Variants in CSMD1 observed in about 807,000 individuals in gnomAD.
The protein encoded by CSMD1 is CUB and Sushi multiple domains 1.
In CSMD1, 213 loss-of-function variants were observed where a neutral mutation model predicts 417.5. That is an observed-to-expected ratio of 0.51 (90% CI 0.46 to 0.57). The LOEUF (loss-of-function observed/expected upper bound fraction) is 0.57, where lower values mean the gene tolerates loss of function less well. Among genes scored for constraint, CSMD1 ranks in the 20% least tolerant of loss-of-function variants. The pLI, the probability that CSMD1 is intolerant of heterozygous loss-of-function variation, is 0.00. For missense variants in CSMD1, 6,923 were observed against 4,529.7 expected (o/e 1.53, Z -15.17); for synonymous variants, 2,862 against 1,736.8 (o/e 1.65, Z -16.11).
chr8:4,702,687 C>T (rs1288289019), intron 1 of CSMD1, among the ~76,000 whole-genome samples: 3 of 152,048 alleles, frequency 2.0e-5, no homozygotes, highest in Non-Finnish European at 4.4e-5. Context: ...CTAATACAAC[C>T]GTATTTCTAT....
At chr8:3,805,449 G>A (rs1292992096) in intron 5 of CSMD1, among the ~76,000 whole-genome samples, 1 of 152,132 alleles carries the variant, frequency 6.6e-6, no homozygotes, top group African/African-American at 2.4e-5. Flanking sequence ...GAGCAGAAAT[G>A]ATCTACTCCC....
intron 4 of CSMD1, among the ~76,000 whole-genome samples, chr8:4,018,801 G>C (rs767394023): frequency 3.3e-5 from 5 of 152,164 alleles, no homozygotes; most frequent in African/African-American, 9.7e-5. Context: ...GTCAAATTCT[G>C]CCTTCCCCAC....
At chr8:4,365,011 A>C (rs1801983854) in intron 3 of CSMD1, among the ~76,000 whole-genome samples, 1 of 152,208 alleles carries the variant, frequency 6.6e-6, no homozygotes, top group Admixed American at 6.5e-5. Flanking sequence ...AATGGAACTC[A>C]GATGATATTT....
intron 3 of CSMD1, among the ~76,000 whole-genome samples, chr8:4,304,462 A>G (rs1414192202): frequency 1.3e-5 from 2 of 152,174 alleles, no homozygotes; most frequent in Non-Finnish European, 2.9e-5. Flanking sequence ...GCTGGAAGTC[A>G]CCCAGATAGT....
At chr8:3,904,504 T>G (rs116002939) in intron 5 of CSMD1, among the ~76,000 whole-genome samples, 4,045 of 152,312 alleles carry the variant, frequency 0.027, 94 homozygotes, top group African/African-American at 0.061. Flanking sequence ...CGGCTTGGTA[T>G]TCCACATTTC....
rs556217297 is a variant in CSMD1 at position 4,068,119 on chromosome 8, G to T, written c.416-36020C>A. 2.6e-5 allele frequency among the ~76,000 whole-genome samples: 4 copies of T among 152,206 alleles called. No individual in the cohort carries two copies. The East Asian group carries it at 7.7e-4, about 29-fold the overall frequency. ...GAAAAAAAGGGACACAACAGTGAGTGTCTTCTTGCAGAGCCACACAGAAGG... is the reference window on the plus strand; with the variant it reads ...GAAAAAAAGGGACACAACAGTGAGTTTCTTCTTGCAGAGCCACACAGAAGG... On this transcript the variant is annotated intron_variant, in intron 3 of 69. Coordinates refer to ENST00000635120, the MANE Select transcript of CSMD1 (RefSeq NM_033225.6).
chr8:3,957,323 T>C (rs887444007), intron 5 of CSMD1, among the ~76,000 whole-genome samples: 3 of 152,188 alleles, frequency 2.0e-5, no homozygotes, highest in Non-Finnish European at 4.4e-5. Flanking sequence ...GTTTCTTTCA[T>C]TCAACAAATA....
chr8:4,565,900 T>C (rs1479386872), intron 2 of CSMD1, among the ~76,000 whole-genome samples: 3 of 151,030 alleles, frequency 2.0e-5, no homozygotes, highest in Non-Finnish European at 2.9e-5. Flanking sequence ...ATTTTCCTCA[T>C]AGAAATAATG....
At chr8:4,012,241 C>T (rs1454695663) in intron 4 of CSMD1, among the ~76,000 whole-genome samples, 6 of 151,942 alleles carry the variant, frequency 3.9e-5, no homozygotes, top group Non-Finnish European at 7.4e-5. Context: ...AGATACTACT[C>T]TTCAGGCTTT....
chr8:3,930,614 G>A (rs1159000333), intron 5 of CSMD1, among the ~76,000 whole-genome samples: 1 of 150,268 alleles, frequency 6.7e-6, no homozygotes, highest in Non-Finnish European at 1.5e-5. Context: ...ACAGCAGTAG[G>A]GTGGCCGTGT....
At chr8:4,195,446 G>C (rs1476246765) in intron 3 of CSMD1, among the ~76,000 whole-genome samples, 1 of 152,168 alleles carries the variant, frequency 6.6e-6, no homozygotes, top group Admixed American at 6.5e-5. Flanking sequence ...AAAAAGACGA[G>C]TGTGGCAGTA....
chr8:4,529,538 T>A (rs989385703), intron 2 of CSMD1, among the ~76,000 whole-genome samples: 3 of 152,236 alleles, frequency 2.0e-5, no homozygotes, highest in Non-Finnish European at 4.4e-5. Flanking sequence ...GTCTTCATTA[T>A]TGACAGGGTA....
intron 2 of CSMD1, among the ~76,000 whole-genome samples, chr8:4,448,987 G>C (rs797005115): frequency 2.6e-5 from 4 of 152,284 alleles, no homozygotes; most frequent in African/African-American, 9.6e-5. Flanking sequence ...CAAATGGATA[G>C]TAGTCAGTAT....
chr8:4,157,419 CT>C (rs1436779098), intron 3 of CSMD1, among the ~76,000 whole-genome samples: 1 of 152,112 alleles, frequency 6.6e-6, no homozygotes, highest in African/African-American at 2.4e-5. Context: ...TATTTTCGTC[CT>C]TTTTCTTTCT....
chr8:4,749,859 G>A (rs573583819), intron 1 of CSMD1, among the ~76,000 whole-genome samples: 192 of 151,950 alleles, frequency 1.3e-3, no homozygotes, highest in African/African-American at 4.4e-3. Flanking sequence ...GTGGATTTAC[G>A]GCAAAAAGAG....
intron 4 of CSMD1, among the ~76,000 whole-genome samples, chr8:4,022,066 T>C (rs1002297794): frequency 2.6e-4 from 39 of 150,620 alleles, no homozygotes; most frequent in African/African-American, 8.8e-4. Context: ...TACAGATGAA[T>C]ACATATGGGA....
At chr8:3,912,404 G>GCAGTTT (rs1808520714) in intron 5 of CSMD1, among the ~76,000 whole-genome samples, 1 of 152,160 alleles carries the variant, frequency 6.6e-6, no homozygotes, top group African/African-American at 2.4e-5. Flanking sequence ...TGGGTGCAGG[G>GCAGTTT]ACAAATAGGG....
At chr8:4,260,194 G>C (rs1360243322) in intron 3 of CSMD1, among the ~76,000 whole-genome samples, 1 of 152,072 alleles carries the variant, frequency 6.6e-6, no homozygotes, top group Non-Finnish European at 1.5e-5. Flanking sequence ...ATTATTATCA[G>C]GTGTTGCCTA....
intron 20 of CSMD1, among the ~76,000 whole-genome samples, chr8:3,361,651 CAAAA>C (rs765648287): frequency 1.0e-4 from 8 of 79,212 alleles, no homozygotes; most frequent in Admixed American, 7.3e-4. Flanking sequence ...GATTCCATCT[CAAAA>C]AAAAAAAAAA....
Sources: allele counts gnomAD v4.1 joint callset (sites outside exome capture counted in the v4.1 genomes callset), GRCh38; gene constraint gnomAD v4.1.1; transcripts MANE v1.5; gene names NCBI Gene and HGNC (gene_info 2026-07-23, HGNC 2026-07-21).